NAT10: variants seen among roughly 807,000 people sequenced by gnomAD.
NAT10 encodes the protein RNA cytidine acetyltransferase.
NAT10 carries 109 observed loss-of-function variants against 132.2 expected under a neutral mutation model. That is an observed-to-expected ratio of 0.82 (90% CI 0.71 to 0.97). The LOEUF is 0.97. Among genes scored for constraint, NAT10 ranks in the 50% least tolerant of loss-of-function variants. NAT10 has a pLI of 0.00. For missense variants in NAT10, 1,184 were observed against 1,263.4 expected (o/e 0.94, Z 0.95); for synonymous variants, 479 against 478.0 (o/e 1.00, Z -0.03).
chr11:34,112,673 C>T (rs1449648057), intron 4 of NAT10, among the ~76,000 whole-genome samples: 2 of 152,194 alleles, frequency 1.3e-5, no homozygotes, highest in East Asian at 1.9e-4. Flanking sequence ...AGGCCCCTCT[C>T]CCCTTTTCTA....
intron 21 of NAT10, 123 bp from the exon 22 acceptor site, chr11:34,139,068 G>A: frequency 1.2e-6 from 1 of 865,508 alleles, no homozygotes; most frequent in Non-Finnish European, 1.8e-6. Context: ...CCCCCAGCCT[G>A]GAAAGAAGGA....
chr11:34,143,352 T>C, intron 27 of NAT10, 93 bp from the exon 28 acceptor site: 1 of 1,091,092 alleles, frequency 9.2e-7, no homozygotes, highest in Non-Finnish European at 1.3e-6. Flanking sequence ...TGACAGGAAG[T>C]GTCTGATAAG....
intron 12 of NAT10, among the ~76,000 whole-genome samples, chr11:34,128,362 CAAAAAAAA>C (rs914837839): frequency 1.5e-5 from 1 of 67,240 alleles, no homozygotes; most frequent in African/African-American, 5.1e-5. Context: ...AAAAACAAAA[CAAAAAAAA>C]AAAAAAAAGA....
Position 34,130,888 on chromosome 11 carries a change from C to T in NAT10, c.1320C>T (p.Val440=). 6.2e-7 allele frequency: 1 copy of T among 1,614,216 alleles called. No homozygotes were observed. Among genetic ancestry groups the T allele is most frequent in the Non-Finnish European group, 8.5e-7 (1 of 1,180,030 alleles). Reference sequence around the variant, plus strand: ...GTCAACAGAGCGCCCAGAGCCAGGTCAGCACCACTGCTGAGAATAAGACCA... The same window carrying T: ...GTCAACAGAGCGCCCAGAGCCAGGTTAGCACCACTGCTGAGAATAAGACCA... ...QLRQQSAQSQ[V]STTAENKTTT... Residue 440 remains valine (V), a synonymous_variant, in exon 13 of 29, where the codon GTC becomes GTT. Transcript: ENST00000257829.
chr11:34,130,985 C>T (rs1397285678), intron 13 of NAT10, 48 bp downstream of exon 13: 2 of 1,606,084 alleles, frequency 1.2e-6, no homozygotes, highest in Non-Finnish European at 8.5e-7. Context: ...CAAGGCCCTT[C>T]AGTCTTACTG....
chr11:34,142,540 G>A (rs760559965), intron 27 of NAT10, among the ~76,000 whole-genome samples, 192 bp downstream of exon 27: 25 of 152,176 alleles, frequency 1.6e-4, no homozygotes, highest in Non-Finnish European at 2.8e-4. Flanking sequence ...GGGTTCCGGA[G>A]ACTAGTGCCG....
At chr11:34,110,241 C>T (rs952449365) in intron 3 of NAT10, among the ~76,000 whole-genome samples, 2 of 152,112 alleles carry the variant, frequency 1.3e-5, no homozygotes, top group African/African-American at 4.8e-5. Flanking sequence ...CAAATGTGCT[C>T]ATCTCCGATC....
At chr11:34,117,408 C>T (rs1168536433) in intron 6 of NAT10, among the ~76,000 whole-genome samples, 3 of 152,132 alleles carry the variant, frequency 2.0e-5, no homozygotes, top group Admixed American at 2.0e-4. Context: ...TGGGTAGAGG[C>T]CAGGGATGCT....
chr11:34,135,345 C>T, intron 19 of NAT10, 54 bp downstream of exon 19: 4 of 1,521,934 alleles, frequency 2.6e-6, no homozygotes, highest in Non-Finnish European at 3.6e-6. Flanking sequence ...GGATAATTCT[C>T]TGGGTTTTTA....
At chr11:34,110,611 TAGGAGCCC>T (rs1851678976) in intron 3 of NAT10, among the ~76,000 whole-genome samples, 1 of 147,384 alleles carries the variant, frequency 6.8e-6, no homozygotes. Flanking sequence ...CTTATTTAGT[TAGGAGCCC>T]TCTTCTATTT....
chr11:34,135,288 C>T lies in NAT10; in HGVS notation c.2025C>T (p.Ser675=), dbSNP rs372918376. ...CACAGGAAATTCACACCGTAAGCAG[C>T]GAGGTAAGCATCTTTCGACAGACCT... ...ETPQEIHTVS[S]EAVSLLEEVI... Residue 675 remains serine (S), a synonymous_variant, in exon 19 of 29, where the codon AGC becomes AGT. Transcript: ENST00000257829. 2.4e-5 allele frequency: 39 copies of T among 1,613,210 alleles called. No homozygotes were observed. The highest frequency in any genetic ancestry group is 1.6e-4 in the Middle Eastern group (1 of 6,082).
At chr11:34,112,399 C>T (rs1048807346) in intron 4 of NAT10, among the ~76,000 whole-genome samples, 176 bp downstream of exon 4, 2 of 152,162 alleles carry the variant, frequency 1.3e-5, no homozygotes, top group African/African-American at 4.8e-5. Context: ...GGTCACCTAC[C>T]CCATATAAAA....
At chr11:34,121,150 A>G (rs1022383697) in intron 8 of NAT10, among the ~76,000 whole-genome samples, 4 of 152,148 alleles carry the variant, frequency 2.6e-5, no homozygotes, top group Non-Finnish European at 4.4e-5. Context: ...TTATGCCCAT[A>G]GTCTCCTTTC....
chr11:34,128,794 A>T (rs1344706667), intron 12 of NAT10, among the ~76,000 whole-genome samples: 1 of 152,188 alleles, frequency 6.6e-6, no homozygotes, highest in Non-Finnish European at 1.5e-5. Context: ...ATTTTAGAAC[A>T]TTTTTATCAC....
chr11:34,132,954 T>C (rs1852130761), intron 15 of NAT10, 72 bp from the exon 16 acceptor site: 1 of 1,243,026 alleles, frequency 8.0e-7, no homozygotes, highest in Admixed American at 1.7e-5. Flanking sequence ...ATCCTGTGGT[T>C]CTGAATCGAA....
At chr11:34,140,053 G>A (rs1282050771) in intron 23 of NAT10, among the ~76,000 whole-genome samples, 3 of 152,196 alleles carry the variant, frequency 2.0e-5, no homozygotes, top group Non-Finnish European at 2.9e-5. Flanking sequence ...CTTGAGCTGG[G>A]CAGAGCTTAC....
chr11:34,129,599 C>CTTTTTTT (rs71037399), intron 12 of NAT10, among the ~76,000 whole-genome samples: 11 of 56,724 alleles, frequency 1.9e-4, no homozygotes, highest in East Asian at 1.8e-3. Context: ...TCTTCTTCTT[C>CTTTTTTT]TTTTTTTTTT....
chr11:34,119,210 C>T (rs780814641), intron 8 of NAT10, among the ~76,000 whole-genome samples: 1 of 152,218 alleles, frequency 6.6e-6, no homozygotes, highest in African/African-American at 2.4e-5. Flanking sequence ...AACTTGGCTT[C>T]TCTGGTGGTT....
rs771935262 is a variant in NAT10 at position 34,131,492 on chromosome 11, G to A, written c.1481G>A (p.Arg494Gln). The change falls in exon 14 of 29, where the codon CGG becomes CAG. Residue 494 changes from arginine to glutamine, a missense_variant. Coordinates refer to ENST00000257829, the MANE Select transcript of NAT10 (RefSeq NM_024662.3). Reference protein sequence around the residue: ...LLCLDCLNITRIVSGCPLPEA... With the variant: ...LLCLDCLNITQIVSGCPLPEA... ...TGCCTGGATTGCCTCAACATCACTC[G>A]GATAGTCTCAGGCTGCCCCTTGCCT... The A allele has an allele frequency of 1.4e-5, 22 of 1,613,856 alleles. No individual in the cohort carries two copies. The highest frequency in any genetic ancestry group is 1.0e-4 in the Admixed American group (6 of 59,976).
Sources: allele counts gnomAD v4.1 joint callset (sites outside exome capture counted in the v4.1 genomes callset), GRCh38; gene constraint gnomAD v4.1.1; transcripts MANE v1.5; gene names NCBI Gene and HGNC (gene_info 2026-07-23, HGNC 2026-07-21).